ARID5B: variants seen among roughly 807,000 people sequenced by gnomAD.
ARID5B encodes AT-rich interaction domain 5B.
In ARID5B, 13 loss-of-function variants were observed where a neutral mutation model predicts 97.2. That is an observed-to-expected ratio of 0.13 (90% CI 0.09 to 0.21). The LOEUF (loss-of-function observed/expected upper bound fraction) is 0.21. Ranked by LOEUF, ARID5B falls within the 10% of genes least tolerant of loss-of-function variation. The pLI is 1.00. For synonymous variants in ARID5B, 556 were observed against 570.3 expected, an observed-to-expected ratio of 0.97 and a Z score of 0.36; for missense variants, 1,210 against 1,465.3, an observed-to-expected ratio of 0.83 and a Z score of 2.84.
intron 3 of ARID5B, among the ~76,000 whole-genome samples, chr10:61,943,092 G>A (rs1490282430): frequency 6.6e-6 from 1 of 152,162 alleles, no homozygotes; most frequent in Non-Finnish European, 1.5e-5. Context: ...TGCACACTGT[G>A]TTGTAATAAT....
At chr10:61,954,796 C>G (rs1444463635) in intron 3 of ARID5B, among the ~76,000 whole-genome samples, 1 of 152,042 alleles carries the variant, frequency 6.6e-6, no homozygotes, top group African/African-American at 2.4e-5. Context: ...CACCTGAGGT[C>G]AGGAGTTGGA....
chr10:61,975,543 C>G (rs138431137), intron 3 of ARID5B, among the ~76,000 whole-genome samples: 3 of 151,902 alleles, frequency 2.0e-5, no homozygotes, highest in Non-Finnish European at 4.4e-5. Context: ...ACTGAGTCTC[C>G]GATCCTCTTT....
chr10:61,919,196 T>G (rs1362336563), intron 2 of ARID5B, among the ~76,000 whole-genome samples: 1 of 152,174 alleles, frequency 6.6e-6, no homozygotes, highest in African/African-American at 2.4e-5. Context: ...TGCCCTTTCA[T>G]GATGCAACCA....
intron 3 of ARID5B, among the ~76,000 whole-genome samples, chr10:61,943,169 G>GT (rs1358588766): frequency 1.3e-5 from 2 of 152,194 alleles, no homozygotes; most frequent in Admixed American, 6.5e-5. Context: ...TCTAAGGTTT[G>GT]TAAGTCTACA....
chr10:62,070,108 C>CT (rs1197627815), intron 8 of ARID5B, among the ~76,000 whole-genome samples: 2 of 151,522 alleles, frequency 1.3e-5, no homozygotes, highest in African/African-American at 4.9e-5. Flanking sequence ...ACATGAGAAC[C>CT]TTTAGCTTCT....
chr10:61,986,225 C>G (rs767508322), intron 3 of ARID5B, among the ~76,000 whole-genome samples: 4 of 152,112 alleles, frequency 2.6e-5, no homozygotes, highest in African/African-American at 4.8e-5. Context: ...GCAAGTCATT[C>G]ACCTCATTGA....
At chr10:62,002,005 G>T (rs1178646945) in intron 4 of ARID5B, among the ~76,000 whole-genome samples, 1 of 151,950 alleles carries the variant, frequency 6.6e-6, no homozygotes, top group Non-Finnish European at 1.5e-5. Flanking sequence ...CACATTCTCG[G>T]CTCCCAAACG....
In ARID5B at chr10:62,091,813, C is replaced by T. The variant is rs749675398; in HGVS notation, c.2350C>T (p.His784Tyr). The change falls in exon 10 of 10, where the codon CAC becomes TAC. Residue 784 changes from histidine to tyrosine, a missense_variant. By Grantham distance (83) the His-to-Tyr change is moderately conservative (BLOSUM62 2). Around this residue, in one of 8 missense-constraint regions of ARID5B, gnomAD observed 800 missense variants for 839.1 expected, o/e 0.95. Transcript: ENST00000279873. Reference protein sequence around the residue: ...KHEKLSRSDPHRCSFSKHHLN... With the variant: ...KHEKLSRSDPYRCSFSKHHLN... ...TGAGAAACTGAGTCGATCAGATCCCCACCGCTGCAGCTTCTCCAAGCATCA... is the reference window on the plus strand; with the variant it reads ...TGAGAAACTGAGTCGATCAGATCCCTACCGCTGCAGCTTCTCCAAGCATCA... The T allele has an allele frequency of 9.9e-6, 16 of 1,614,118 alleles. No homozygotes were observed. In the South Asian group the frequency reaches 1.6e-4, roughly 17 times the overall value.
intron 4 of ARID5B, among the ~76,000 whole-genome samples, chr10:62,014,939 C>A (rs376989178): frequency 2.0e-5 from 3 of 152,094 alleles, no homozygotes; most frequent in African/African-American, 7.2e-5. Context: ...CTTTAAGAAC[C>A]TTTTCTGTTC....
intron 4 of ARID5B, among the ~76,000 whole-genome samples, chr10:62,009,209 T>A (rs1839185475): frequency 6.6e-6 from 1 of 152,212 alleles, no homozygotes; most frequent in South Asian, 2.1e-4. Context: ...TGCCTAGAAA[T>A]TCTGTGTCTT....
intron 4 of ARID5B, 97 bp from the exon 5 acceptor site, chr10:62,050,791 A>G: frequency 9.8e-7 from 1 of 1,023,336 alleles, no homozygotes; most frequent in Non-Finnish European, 1.5e-6. Context: ...ATTTCTCTGA[A>G]CAATTAGAAG....
At chr10:61,907,910 G>T (rs1026142954) in intron 2 of ARID5B, among the ~76,000 whole-genome samples, 2 of 152,336 alleles carry the variant, frequency 1.3e-5, no homozygotes, top group South Asian at 2.1e-4. Context: ...TAAGAAAAAC[G>T]TTGCTGACCC....
intron 8 of ARID5B, among the ~76,000 whole-genome samples, chr10:62,079,710 C>T (rs754841254): frequency 9.2e-5 from 14 of 152,176 alleles, no homozygotes; most frequent in Non-Finnish European, 1.8e-4. Context: ...CACTCCGGGA[C>T]CATGGAGGGA....
chr10:61,997,211 A>G (rs1839012681), intron 3 of ARID5B, among the ~76,000 whole-genome samples: 1 of 151,990 alleles, frequency 6.6e-6, no homozygotes, highest in Non-Finnish European at 1.5e-5. Context: ...AGAAGGATTC[A>G]TGACTTGGCT....
At chr10:61,903,267 G>A (rs542097282) in intron 2 of ARID5B, among the ~76,000 whole-genome samples, 60 of 152,164 alleles carry the variant, frequency 3.9e-4, no homozygotes, top group African/African-American at 1.3e-3. Context: ...TCCCGGGGAG[G>A]GCGGGGAGGG....
chr10:61,911,057 G>T (rs920945395), intron 2 of ARID5B, among the ~76,000 whole-genome samples: 1 of 152,068 alleles, frequency 6.6e-6, no homozygotes, highest in Non-Finnish European at 1.5e-5. Context: ...GCACACCCGG[G>T]CTATGAAACA....
chr10:62,073,831 ACTGT>A (rs1840095234), intron 8 of ARID5B, among the ~76,000 whole-genome samples: 1 of 152,240 alleles, frequency 6.6e-6, no homozygotes, highest in Non-Finnish European at 1.5e-5. Flanking sequence ...AGATGAAGTT[ACTGT>A]AGCTTTTGAT....
rs374427614 is a variant in ARID5B, at chr10:62,094,440, A to G, written c.*1410A>G. On this transcript the variant is annotated 3_prime_UTR_variant, in exon 10 of 10. Transcript: ENST00000279873. ...GCCTTTTCAAAAGAAAAGTCATCCT[A>G]TTTGGTTTTATGGGGTGTGAGTTTT... 4.3e-6 allele frequency: 1 copy of G among 230,332 alleles called. No homozygotes were observed. Among genetic ancestry groups the G allele is most frequent in the Non-Finnish European group, 8.6e-6 (1 of 116,216 alleles). The allele number at this position is 230,332 out of a possible 1,614,324, so 14.3% of individuals were successfully genotyped here. A position where few individuals can be genotyped will look rare whatever the true frequency, so the allele number is the denominator to read the frequency against.
rs1840365823 is a variant in ARID5B, at chr10:62,091,211, C to T, written c.1748C>T (p.Thr583Ile). 1.2e-6 allele frequency: 2 copies of T among 1,614,166 alleles called. No homozygotes were observed. The highest frequency in any genetic ancestry group is 1.7e-5 in the Admixed American group (1 of 60,032). Residue 583 changes from threonine to isoleucine, a missense_variant, in exon 10 of 10, where the codon ACA (threonine) becomes ATA (isoleucine). Around this residue, in one of 8 missense-constraint regions of ARID5B, gnomAD observed 800 missense variants for 839.1 expected, o/e 0.95. Coordinates refer to ENST00000279873, the MANE Select transcript of ARID5B (RefSeq NM_032199.3). ...CAAGAATCCAAACTGTGCTGTTTTA[C>T]AGAGAGCCCTGAAAGTGAACCCCAA... ...SKQESKLCCF[T>I]ESPESEPQEA...
Sources: gnomAD v4.1 joint callset for allele counts (sites outside exome capture counted in the v4.1 genomes callset) on GRCh38, gnomAD v4.1.1 for gene constraint, gnomAD v4.1.1 regional missense constraint, MANE v1.5 for transcripts, NCBI Gene and HGNC (gene_info 2026-07-23, HGNC 2026-07-21) for gene names.